INPP4B: variants seen among roughly 807,000 people sequenced by gnomAD.
INPP4B encodes inositol polyphosphate-4-phosphatase type II B, also known as inositol polyphosphate 4-phosphatase type II.
INPP4B carries 55 observed loss-of-function variants against 122.5 expected under a neutral mutation model. The ratio of observed to expected loss-of-function variants is 0.45; its 90% CI spans 0.36 to 0.56. INPP4B has a LOEUF of 0.56. Ranked by LOEUF, INPP4B falls within the 20% of genes least tolerant of loss-of-function variation. The probability of loss-of-function intolerance (pLI) is 0.00; values close to 1 mark genes in which losing one functional copy is unlikely to be tolerated. For synonymous variants in INPP4B, 403 were observed against 388.7 expected (o/e 1.04, Z -0.43); for missense variants, 1,000 against 1,097.7 (o/e 0.91, Z 1.26).
chr4:142,082,767 A>G (rs1033284410), intron 24 of INPP4B, among the ~76,000 whole-genome samples: 11 of 152,186 alleles, frequency 7.2e-5, no homozygotes, highest in African/African-American at 2.4e-4. Flanking sequence ...GCCACTGTTT[A>G]TTGCAAATTG....
At chr4:142,162,385 G>A (rs1020849101) in intron 16 of INPP4B, among the ~76,000 whole-genome samples, 1 of 151,698 alleles carries the variant, frequency 6.6e-6, no homozygotes, top group Non-Finnish European at 1.5e-5. Flanking sequence ...AGCAAAATGA[G>A]GAAACATGTT....
At chr4:142,250,324 G>T (rs1457612446) in intron 11 of INPP4B, among the ~76,000 whole-genome samples, 2 of 152,164 alleles carry the variant, frequency 1.3e-5, no homozygotes, top group Admixed American at 6.5e-5. Flanking sequence ...AAAATCGCTA[G>T]AGATGTAAAT....
intron 25 of INPP4B, among the ~76,000 whole-genome samples, chr4:142,045,917 G>A (rs1751112286): frequency 6.6e-6 from 1 of 152,038 alleles, no homozygotes; most frequent in African/African-American, 2.4e-5. Flanking sequence ...TAGGTAATAA[G>A]CCCTGAGGAA....
chr4:142,601,552 G>A (rs1739912921), intron 2 of INPP4B, among the ~76,000 whole-genome samples: 1 of 133,010 alleles, frequency 7.5e-6, no homozygotes, highest in African/African-American at 2.8e-5. Flanking sequence ...CAAAAGCAGA[G>A]ACAAGTTTAT....
rs774381618 is a variant in INPP4B at position 142,260,550 on chromosome 4, A to G, written c.630T>C (p.Cys210=). The change falls in exon 11 of 26, where the codon TGT becomes TGC. Residue 210 remains cysteine, a synonymous_variant. Coordinates refer to ENST00000262992, the MANE Select transcript of INPP4B (RefSeq NM_001101669.3). ...DVQGQKCALV[C]ECTAPESVSG... ...TCACACTTTCCGGGGCTGTACATTC[A>G]CATACCAGGGCACACTAGGAAAAAA... The G allele has an allele frequency of 6.2e-7, 1 of 1,603,474 alleles. No individual in the cohort carries two copies. Among genetic ancestry groups the G allele is most frequent in the East Asian group, 2.2e-5 (1 of 44,706 alleles).
At chr4:142,415,554 G>T (rs1222472212) in intron 5 of INPP4B, among the ~76,000 whole-genome samples, 2 of 151,932 alleles carry the variant, frequency 1.3e-5, no homozygotes, top group African/African-American at 2.4e-5. Flanking sequence ...CACTGTTGGT[G>T]GGACTGTAAA....
chr4:142,306,392 C>A (rs1763385060), intron 8 of INPP4B, among the ~76,000 whole-genome samples: 2 of 152,100 alleles, frequency 1.3e-5, no homozygotes, highest in South Asian at 4.2e-4. Flanking sequence ...AAATATCAAA[C>A]CCATGTTATT....
Position 142,159,363 on chromosome 4 carries a change from C to T in INPP4B, c.1563+995G>A, listed in dbSNP as rs184614675. Among the ~76,000 whole-genome samples, 7 of 151,916 alleles carry T rather than the reference C, an allele frequency of 4.6e-5. No individual in the cohort carries two copies. The East Asian group carries it at 1.4e-3, about 30-fold the overall frequency. On this transcript the variant is annotated intron_variant, in intron 17 of 25. Transcript: ENST00000262992. ...GGAGAAATGCAATTTTAATCACCAA[C>T]GACAAACACTCAGCATTTACCTCTT...
At chr4:142,560,829 T>G (rs1328069741) in intron 2 of INPP4B, among the ~76,000 whole-genome samples, 1 of 152,118 alleles carries the variant, frequency 6.6e-6, no homozygotes, top group Admixed American at 6.5e-5. Flanking sequence ...AATGTATCTC[T>G]TTTGGCAACA....
intron 1 of INPP4B, chr4:142,767,835 C>T (rs1212064685): frequency 2.6e-5 from 4 of 152,206 alleles, no homozygotes; most frequent in African/African-American, 9.6e-5. Context: ...TACCCACCAG[C>T]TCCTGTGCAT....
chr4:142,270,817 C>G, intron 9 of INPP4B, 43 bp from the exon 10 acceptor site: 1 of 1,295,020 alleles, frequency 7.7e-7, no homozygotes, highest in Non-Finnish European at 1.1e-6. Flanking sequence ...AGAAGCTTCT[C>G]TCTCCCCCAA....
intron 2 of INPP4B, among the ~76,000 whole-genome samples, chr4:142,537,163 T>C (rs2150010727): frequency 6.6e-6 from 1 of 151,952 alleles, no homozygotes; most frequent in East Asian, 1.9e-4. Context: ...TGGTGATATA[T>C]ATTCAAACTG....
intron 1 of INPP4B, among the ~76,000 whole-genome samples, chr4:142,783,428 TA>T (rs978777684): frequency 6.6e-6 from 1 of 152,164 alleles, no homozygotes; most frequent in Non-Finnish European, 1.5e-5. Context: ...TAACCTTTTT[TA>T]AAGCAAGCTT....
chr4:142,783,018 A>G lies in INPP4B; in HGVS notation c.-253-57117T>C, dbSNP rs1580904544. ...CACCTTATACAAAAATTAATTCAAGATGGATTAAAGACTTAAACGTTAGAC... is the reference window on the plus strand; with the variant it reads ...CACCTTATACAAAAATTAATTCAAGGTGGATTAAAGACTTAAACGTTAGAC... On this transcript the variant is annotated intron_variant, in intron 1 of 25. Transcript: ENST00000262992. Among the ~76,000 whole-genome samples the G allele has an allele frequency of 2.6e-5, 4 of 152,050 alleles. No homozygotes were observed. In the East Asian group the frequency reaches 7.7e-4, roughly 29 times the overall value.
chr4:142,135,206 T>G (rs1447913145), intron 18 of INPP4B, among the ~76,000 whole-genome samples: 1 of 152,204 alleles, frequency 6.6e-6, no homozygotes, highest in Non-Finnish European at 1.5e-5. Flanking sequence ...TGCTACGAAT[T>G]ATGTTAGGTT....
At chr4:142,440,397 C>T (rs1443064155) in intron 3 of INPP4B, among the ~76,000 whole-genome samples, 2 of 152,104 alleles carry the variant, frequency 1.3e-5, no homozygotes, top group African/African-American at 2.4e-5. Context: ...AGAGTCCTGG[C>T]AATTCTAGGC....
intron 2 of INPP4B, among the ~76,000 whole-genome samples, chr4:142,580,154 T>C (rs576774977): frequency 1.3e-4 from 20 of 151,524 alleles, no homozygotes; most frequent in Non-Finnish European, 2.4e-4. Flanking sequence ...GAGAGCATTG[T>C]GGTTAAGAAA....
At chr4:142,260,612 AT>A in intron 10 of INPP4B, 48 bp from the exon 11 acceptor site, 18 of 1,196,848 alleles carry the variant, frequency 1.5e-5, no homozygotes, top group Non-Finnish European at 1.9e-5. Context: ...AACAATCAAA[AT>A]AAGGAATGAT....
chr4:142,680,702 C>T (rs1236496471), intron 2 of INPP4B, among the ~76,000 whole-genome samples: 1 of 151,866 alleles, frequency 6.6e-6, no homozygotes, highest in Admixed American at 6.6e-5. Context: ...TCACCAAATA[C>T]AGTTCTACAG....
Sources: gnomAD v4.1 joint callset for allele counts (sites outside exome capture counted in the v4.1 genomes callset) on GRCh38, gnomAD v4.1.1 for gene constraint, MANE v1.5 for transcripts, NCBI Gene and HGNC (gene_info 2026-07-23, HGNC 2026-07-21) for gene names.